Variants in EIF3H observed in about 807,000 individuals in gnomAD.
The protein encoded by EIF3H is eukaryotic translation initiation factor 3 subunit H.
Under a neutral mutation model 44.2 loss-of-function variants are expected in EIF3H, and 26 were observed. The observed-to-expected ratio is 0.59, with a 90% CI of 0.43 to 0.82. EIF3H has a LOEUF of 0.82. EIF3H is among the 40% of genes least tolerant of loss of function. The pLI, the probability that EIF3H is intolerant of heterozygous loss-of-function variation, is 0.00. For missense variants in EIF3H, 359 were observed against 432.8 expected (o/e 0.83, Z 1.51); for synonymous variants, 166 against 151.9 (o/e 1.09, Z -0.68).
At chr8:116,733,830 A>C (rs1354370538) in intron 1 of EIF3H, among the ~76,000 whole-genome samples, 1 of 152,222 alleles carries the variant, frequency 6.6e-6, no homozygotes, top group Non-Finnish European at 1.5e-5. Flanking sequence ...AATATTTTAT[A>C]AAACAAGGTA....
chr8:116,759,307 C>T (rs1190547960), upstream of EIF3H, among the ~76,000 whole-genome samples: 8 of 152,192 alleles, frequency 5.3e-5, no homozygotes, highest in East Asian at 5.8e-4. Flanking sequence ...AAGCTGTGGG[C>T]GCTGCCCATG....
intron 3 of EIF3H, chr8:116,657,588 A>G (rs1813512465): frequency 2.4e-6 from 1 of 410,584 alleles, no homozygotes; most frequent in Non-Finnish European, 4.4e-6. Context: ...ATTCCTCAGC[A>G]AGAACTAGTA....
chr8:116,712,478 T>G (rs1166314061), intron 2 of EIF3H, among the ~76,000 whole-genome samples: 1 of 152,216 alleles, frequency 6.6e-6, no homozygotes, highest in African/African-American at 2.4e-5. Flanking sequence ...ATTATAAACC[T>G]ACACCATTAC....
intron 1 of EIF3H, among the ~76,000 whole-genome samples, chr8:116,763,770 A>T (rs1417775991): frequency 6.6e-6 from 1 of 152,226 alleles, no homozygotes; most frequent in Non-Finnish European, 1.5e-5. Flanking sequence ...AGGAAGAATA[A>T]TACCACAATA....
chr8:116,734,241 G>C (rs1441232037), intron 1 of EIF3H: 1 of 454,100 alleles, frequency 2.2e-6, no homozygotes, highest in East Asian at 7.0e-5. Flanking sequence ...AAGAAAAGGG[G>C]AAATGTAACA....
intron 2 of EIF3H, among the ~76,000 whole-genome samples, chr8:116,662,955 T>C (rs113111926): frequency 7.2e-5 from 11 of 152,114 alleles, no homozygotes; most frequent in Non-Finnish European, 1.5e-4. Context: ...AGGAGTTACA[T>C]TGGGTAGGTA....
At chr8:116,726,834 A>G (rs1298001987) in intron 1 of EIF3H, among the ~76,000 whole-genome samples, 1 of 152,204 alleles carries the variant, frequency 6.6e-6, no homozygotes, top group Non-Finnish European at 1.5e-5. Flanking sequence ...AAGAGGTAAC[A>G]CCGTGCACAG....
intron 2 of EIF3H, among the ~76,000 whole-genome samples, chr8:116,670,682 G>A (rs1203706717): frequency 1.3e-5 from 2 of 152,136 alleles, no homozygotes. Flanking sequence ...TTAGTCTCTA[G>A]CAAAAATATC....
chr8:116,750,858 C>T (rs1352569372), intron 1 of EIF3H, among the ~76,000 whole-genome samples: 2 of 152,104 alleles, frequency 1.3e-5, no homozygotes, highest in African/African-American at 4.8e-5. Context: ...AATGGAAAGT[C>T]ACTGAAAACA....
chr8:116,692,019 T>A (rs558450697), intron 2 of EIF3H, among the ~76,000 whole-genome samples: 1 of 152,076 alleles, frequency 6.6e-6, no homozygotes. Context: ...CAAACTTCCC[T>A]CTTCCCAAAT....
At chr8:116,758,705 A>AT (rs1327865281), upstream of EIF3H, among the ~76,000 whole-genome samples, 5 of 152,258 alleles carry the variant, frequency 3.3e-5, no homozygotes, top group Non-Finnish European at 5.9e-5. Flanking sequence ...ATTAAAACAT[A>AT]GGATAACAAA....
chr8:116,677,703 C>T (rs2130830732), intron 2 of EIF3H, among the ~76,000 whole-genome samples: 1 of 152,258 alleles, frequency 6.6e-6, no homozygotes, highest in East Asian at 1.9e-4. Flanking sequence ...TGTAACTTGC[C>T]CATATAATAA....
intron 1 of EIF3H, among the ~76,000 whole-genome samples, chr8:116,741,601 G>A (rs1815134852): frequency 6.6e-6 from 1 of 152,326 alleles, no homozygotes; most frequent in South Asian, 2.1e-4. Context: ...CAGGCAGGAT[G>A]CACAATTCCT....
At chr8:116,754,150 A>G (rs563724486) in intron 1 of EIF3H, among the ~76,000 whole-genome samples, 7 of 151,324 alleles carry the variant, frequency 4.6e-5, no homozygotes, top group African/African-American at 1.7e-4. Flanking sequence ...GGCTCGCTCT[A>G]TTGCCCAGGC....
chr8:116,647,143 T>C, intron 6 of EIF3H, among the ~76,000 whole-genome samples: 1 of 152,126 alleles, frequency 6.6e-6, no homozygotes. Context: ...TGGAGTGCAG[T>C]GGCACAATCT....
At chr8:116,671,039 A>G (rs1397479482) in intron 2 of EIF3H, among the ~76,000 whole-genome samples, 2 of 152,242 alleles carry the variant, frequency 1.3e-5, no homozygotes, top group African/African-American at 4.8e-5. Flanking sequence ...TCAAATAATT[A>G]TCTTCTGCAA....
intron 2 of EIF3H, among the ~76,000 whole-genome samples, chr8:116,689,676 T>C (rs1814139691): frequency 1.3e-5 from 2 of 152,136 alleles, no homozygotes; most frequent in African/African-American, 4.8e-5. Context: ...ATAAGTGTAA[T>C]ATAAAAGAGC....
At chr8:116,761,508 T>C (rs558866169) in intron 1 of EIF3H, among the ~76,000 whole-genome samples, 22 of 152,222 alleles carry the variant, frequency 1.4e-4, no homozygotes, top group Middle Eastern at 6.8e-3. Flanking sequence ...TGAGACTCTG[T>C]CTCAAAAAAA....
intron 2 of EIF3H, among the ~76,000 whole-genome samples, chr8:116,714,433 T>C (rs1814626071): frequency 6.6e-6 from 1 of 152,076 alleles, no homozygotes; most frequent in Non-Finnish European, 1.5e-5. Flanking sequence ...CTCTCCCACT[T>C]AAAATCTTCT....
Sources: gnomAD v4.1 joint callset for allele counts (sites outside exome capture counted in the v4.1 genomes callset) on GRCh38, gnomAD v4.1.1 for gene constraint, MANE v1.5 for transcripts, NCBI Gene and HGNC (gene_info 2026-07-23, HGNC 2026-07-21) for gene names.